VPS13D: variants seen among roughly 807,000 people sequenced by gnomAD.
VPS13D encodes intermembrane lipid transfer protein VPS13D.
In VPS13D, 187 loss-of-function variants were observed where a neutral mutation model predicts 461.9. That is an observed-to-expected ratio of 0.40 (90% CI 0.36 to 0.46). The LOEUF is 0.46. VPS13D is among the 20% of genes least tolerant of loss of function. The probability of loss-of-function intolerance (pLI) is 0.60; values close to 1 mark genes in which losing one functional copy is unlikely to be tolerated. For synonymous variants in VPS13D, 1,951 were observed against 1,986.3 expected (o/e 0.98, Z 0.47); for missense variants, 4,711 against 5,364.9 (o/e 0.88, Z 3.81).
chr1:12,264,678 C>A (rs138529300), intron 13 of VPS13D, among the ~76,000 whole-genome samples: 1 of 152,168 alleles, frequency 6.6e-6, no homozygotes, highest in South Asian at 2.1e-4. Context: ...GAGGCTGGTT[C>A]ATGAGTTTGA....
At chr1:12,317,544 C>A (rs952244970) in intron 30 of VPS13D, among the ~76,000 whole-genome samples, 3 of 151,604 alleles carry the variant, frequency 2.0e-5, no homozygotes, top group African/African-American at 2.4e-5. Flanking sequence ...ATAGCAATAG[C>A]AACCCCCTCT....
rs1025684618 is a variant in VPS13D, at chr1:12,495,360, G to A, written c.12663-2140G>A. Among the ~76,000 whole-genome samples the A allele has an allele frequency of 8.6e-5, 13 of 151,868 alleles. No homozygotes were observed. Among genetic ancestry groups the A allele is most frequent in the African/African-American group, 9.7e-5 (4 of 41,326 alleles). On this transcript the variant is annotated intron_variant, in intron 67 of 69. Transcript: ENST00000620676. This position sits in a 1 kb window ranked among gnomAD's most constrained non-coding sequence, Gnocchi z 4.0. The stretch of plus-strand genomic sequence containing the variant: ...TTTTAGTAGTATTTTTAGTTTCACC[G>A]TGTTAGCCAGGATGATCTTGATCTC...
chr1:12,261,902 C>T lies in VPS13D; in HGVS notation c.1416C>T (p.Gly472=), dbSNP rs1378335437. Residue 472 remains glycine, a splice_region_variant and synonymous_variant, in exon 13 of 70, where the codon GGC becomes GGT. Coordinates refer to ENST00000620676, the MANE Select transcript of VPS13D (RefSeq NM_015378.4). The part of the protein sequence containing the change: ...QEQWIPEEIL[G]TEEFFDPTAD... ...AGTCTTTTCTCCCTTACCATTTAGG[C>T]ACTGAGGAGTTTTTTGACCCCACTG... 3 of 1,607,112 alleles carry T rather than the reference C, an allele frequency of 1.9e-6. No homozygotes were observed. The highest frequency in any genetic ancestry group is 2.6e-6 in the Non-Finnish European group (3 of 1,175,486).
At chr1:12,506,791 C>A in intron 68 of VPS13D, 62 bp from the exon 69 acceptor site, 1 of 1,577,850 alleles carries the variant, frequency 6.3e-7, no homozygotes, top group African/African-American at 1.3e-5. Context: ...CCGCAGTGGG[C>A]CTCCCCCTGA....
chr1:12,380,718 T>G lies in VPS13D; in HGVS notation c.11190+1122T>G, dbSNP rs1644261841. On this transcript the variant is annotated intron_variant, in intron 57 of 69. Coordinates refer to ENST00000620676, the MANE Select transcript of VPS13D (RefSeq NM_015378.4). ...AAAGGGAAACAGGAGACTATCAGAC[T>G]CTTGATAGAGAACTCTGAGTGTACT... Among the ~76,000 whole-genome samples, 3 of 152,320 alleles carry G rather than the reference T, an allele frequency of 2.0e-5. No homozygotes were observed. The South Asian group carries it at 6.2e-4, about 32-fold the overall frequency.
chr1:12,443,921 C>T (rs959772320), intron 65 of VPS13D, among the ~76,000 whole-genome samples: 18 of 151,838 alleles, frequency 1.2e-4, no homozygotes, highest in Admixed American at 6.6e-4. Flanking sequence ...TCTTGGCTCA[C>T]TGCAACCTCC....
In VPS13D at chr1:12,257,974, G is replaced by C. The variant is rs1640972969; in HGVS notation, c.981G>C (p.Leu327Phe). The C allele has an allele frequency of 1.2e-6, 2 of 1,614,036 alleles. No individual in the cohort carries two copies. ...GGTATTTTGCTTTGAATGCTAACTT[G>C]TATGAGATCAGAGAGCAGAGGAAAC... ...EWWYFALNAN[L>F]YEIREQRKRC... is the part of the protein sequence containing the mutation. Residue 327 changes from leucine (L) to phenylalanine (F), a missense_variant, in exon 10 of 70, where the codon TTG becomes TTC. By Grantham distance (22) the Leu-to-Phe change is conservative. Around this residue, in one of 3 missense-constraint regions of VPS13D, gnomAD observed 4,411 missense variants for 4,937.8 expected, o/e 0.89. Coordinates refer to ENST00000620676, the MANE Select transcript of VPS13D (RefSeq NM_015378.4).
intron 17 of VPS13D, among the ~76,000 whole-genome samples, chr1:12,272,013 G>A (rs146706368): frequency 0.021 from 3,131 of 152,244 alleles, 153 homozygotes; most frequent in Admixed American, 0.12. Flanking sequence ...GCAACATAGT[G>A]AGACCTTGTC....
chr1:12,341,860 G>A lies in VPS13D; in HGVS notation c.8707G>A (p.Ala2903Thr). 1 of 1,613,974 alleles carries A rather than the reference G, an allele frequency of 6.2e-7. No individual in the cohort carries two copies. The highest frequency in any genetic ancestry group is 8.5e-7 in the Non-Finnish European group (1 of 1,179,938). The change falls in exon 41 of 70, where the codon GCC becomes ACC. Residue 2903 changes from alanine to threonine, a missense_variant. Coordinates refer to ENST00000620676, the MANE Select transcript of VPS13D (RefSeq NM_015378.4). ...RNHTGCTLWF[A>T]TLTTTPTRAA... Reference sequence around the variant, plus strand: ...CCACACGGGGTGCACTTTGTGGTTTGCCACCCTGACCACCACACCCACCAG... The same window carrying A: ...CCACACGGGGTGCACTTTGTGGTTTACCACCCTGACCACCACACCCACCAG...
chr1:12,365,698 T>C (rs1644025103), intron 52 of VPS13D, among the ~76,000 whole-genome samples: 1 of 147,388 alleles, frequency 6.8e-6, no homozygotes, highest in East Asian at 1.9e-4. Context: ...AGTGAGACTC[T>C]GTCTCAAAAA....
At chr1:12,278,106 C>T (rs1029173797) in intron 19 of VPS13D, 68 bp downstream of exon 19, 193 of 1,438,226 alleles carry the variant, frequency 1.3e-4, no homozygotes, top group Non-Finnish European at 1.7e-4. Flanking sequence ...GAGTCCTTTG[C>T]GTAAAACAGC....
At chr1:12,300,353 AC>A (rs1299798560) in intron 25 of VPS13D, among the ~76,000 whole-genome samples, 2 of 151,814 alleles carry the variant, frequency 1.3e-5, no homozygotes, top group Non-Finnish European at 2.9e-5. Context: ...GATTACAGGT[AC>A]CAACCACCAC....
chr1:12,407,240 A>G (rs181124526), intron 63 of VPS13D: 1 of 152,344 alleles, frequency 6.6e-6, no homozygotes, highest in East Asian at 1.9e-4. Context: ...ACCTTTAAAG[A>G]ATGAATTCCA....
At position 12,327,634 on chromosome 1, in the gene VPS13D, T is replaced by G. The variant is rs2101545174; in HGVS notation, c.7991-14T>G. ...GAAGCTGGTAGAACTGATCACTTCT[T>G]AATTTCTTTGAAGGCCAATTGAAAA... On this transcript the variant is annotated splice_polypyrimidine_tract_variant and intron_variant, in intron 35 of 69. Coordinates refer to ENST00000620676, the MANE Select transcript of VPS13D (RefSeq NM_015378.4). 6.2e-7 allele frequency: 1 copy of G among 1,613,762 alleles called. No homozygotes were observed. The highest frequency in any genetic ancestry group is 2.2e-5 in the East Asian group (1 of 44,880).
chr1:12,293,703 C>T lies in VPS13D; in HGVS notation c.6032C>T (p.Thr2011Met), dbSNP rs140358420. The part of the protein sequence containing the change: ...GRQRAAIEGQ[T>M]VRDQAQRCSR... ...CAGCGAGCTGCTATTGAGGGGCAGA[C>T]GGTAGGTAGCCTGGGCCCTCCAAGC... Residue 2011 changes from threonine to methionine, a missense_variant and splice_region_variant, in exon 24 of 70, where the codon ACG becomes ATG. Coordinates refer to ENST00000620676, the MANE Select transcript of VPS13D (RefSeq NM_015378.4). The T allele has an allele frequency of 9.9e-6, 16 of 1,612,520 alleles. No individual in the cohort carries two copies. The highest frequency in any genetic ancestry group is 2.2e-5 in the South Asian group (2 of 90,838).
chr1:12,255,703 C>T (rs1640898063), intron 7 of VPS13D, among the ~76,000 whole-genome samples: 1 of 151,428 alleles, frequency 6.6e-6, no homozygotes, highest in African/African-American at 2.4e-5. Flanking sequence ...CCATCCTGGC[C>T]AACATGGTGA....
intron 58 of VPS13D, among the ~76,000 whole-genome samples, chr1:12,384,266 TG>T (rs1400663820): frequency 6.6e-6 from 1 of 152,132 alleles, no homozygotes; most frequent in Non-Finnish European, 1.5e-5. Flanking sequence ...GCAGATTTTG[TG>T]ACTGAATGTG....
intron 40 of VPS13D, among the ~76,000 whole-genome samples, chr1:12,341,473 C>T (rs1425988409): frequency 3.3e-5 from 5 of 152,156 alleles, no homozygotes; most frequent in African/African-American, 1.2e-4. Flanking sequence ...CTTGGCAGCA[C>T]TGGGGAGGTC....
intron 47 of VPS13D, among the ~76,000 whole-genome samples, chr1:12,354,927 C>T (rs1643873116): frequency 6.6e-6 from 1 of 152,186 alleles, no homozygotes; most frequent in Non-Finnish European, 1.5e-5. Flanking sequence ...ATGAGTTTAA[C>T]TGAGCAATGA....
Sources: allele counts gnomAD v4.1 joint callset (sites outside exome capture counted in the v4.1 genomes callset), GRCh38; gene constraint gnomAD v4.1.1; regional missense constraint gnomAD v4.1.1; non-coding constraint Gnocchi (gnomAD v3.1); transcripts MANE v1.5; gene names NCBI Gene and HGNC (gene_info 2026-07-23, HGNC 2026-07-21).